Variants in EPHX1 observed in about 807,000 individuals in gnomAD.
EPHX1 encodes the protein epoxide hydratase.
A neutral mutation model predicts 43.2 loss-of-function variants in EPHX1; 40 were observed. The observed-to-expected ratio is 0.93, with a 90% CI of 0.72 to 1.21. EPHX1 has a LOEUF of 1.21. Ranked by LOEUF, EPHX1 falls within the 50% of genes most tolerant of loss-of-function variation. The pLI, the probability that EPHX1 is intolerant of heterozygous loss-of-function variation, is 0.00. For missense variants in EPHX1, 550 were observed against 570.4 expected (o/e 0.96, Z 0.36); for synonymous variants, 221 against 226.7 (o/e 0.98, Z 0.22).
rs780676081 is a variant in EPHX1 at position 225,842,481 on chromosome 1, C to T, written c.1040+7C>T. 2.3e-5 allele frequency: 36 copies of T among 1,591,518 alleles called. No individual in the cohort carries two copies. Among genetic ancestry groups the T allele is most frequent in the Admixed American group, 6.7e-5 (4 of 59,974 alleles). ...AGGATGGAGGCCTGGAAAGGTGAGG[C>T]CCTGGTTTGCCCCTGCAGTCATGAC... On this transcript the variant is annotated splice_region_variant and intron_variant, in intron 7 of 8. Coordinates refer to ENST00000272167, the MANE Select transcript of EPHX1 (RefSeq NM_001136018.4).
rs1397809915 is a variant in EPHX1, at chr1:225,836,467, G to T, written c.365-2187G>T. Among the ~76,000 whole-genome samples the T allele has an allele frequency of 2.6e-5, 4 of 152,074 alleles. No individual in the cohort carries two copies. In the East Asian group the frequency reaches 7.7e-4, roughly 29 times the overall value. ...ACAAAAATAGGCTAGACATGGTGTT[G>T]CCCACCTGTAGTCCCAGCTACTTGA... On this transcript the variant is annotated intron_variant, in intron 3 of 8. Transcript: ENST00000272167.
In EPHX1 at chr1:225,839,118, G is replaced by C. The variant is rs577837939; in HGVS notation, c.593-99G>C. 4 of 1,583,056 alleles carry C rather than the reference G, an allele frequency of 2.5e-6. No homozygotes were observed. In the East Asian group the frequency reaches 9.0e-5, roughly 35 times the overall value. ...TGTGAGCTTTTCTGACCTCCACCTGGGGGTAGGCGGGCCTGAGAAATTTCA... is the reference window on the plus strand; with the variant it reads ...TGTGAGCTTTTCTGACCTCCACCTGCGGGTAGGCGGGCCTGAGAAATTTCA... On this transcript the variant is annotated intron_variant, in intron 4 of 8. Transcript: ENST00000272167.
intron 4 of EPHX1, 90 bp from the exon 5 acceptor site, chr1:225,839,127 G>A (rs545322125): frequency 2.6e-5 from 42 of 1,596,394 alleles, no homozygotes; most frequent in East Asian, 1.8e-4. Flanking sequence ...GGGGGTAGGC[G>A]GGCCTGAGAA....
intron 1 of EPHX1, among the ~76,000 whole-genome samples, chr1:225,822,381 T>C (rs970131584): frequency 6.6e-6 from 1 of 152,158 alleles, no homozygotes; most frequent in Non-Finnish European, 1.5e-5. Flanking sequence ...CTGCACAAAC[T>C]CTCAGCCCAG....
At chr1:225,837,942 A>G (rs1210195787) in intron 3 of EPHX1, among the ~76,000 whole-genome samples, 3 of 152,266 alleles carry the variant, frequency 2.0e-5, no homozygotes, top group African/African-American at 7.2e-5. Context: ...TGGAAAGTAC[A>G]TAAAACTCAA....
intron 1 of EPHX1, among the ~76,000 whole-genome samples, chr1:225,815,538 C>T (rs1666687867): frequency 6.6e-6 from 1 of 151,980 alleles, no homozygotes; most frequent in African/African-American, 2.4e-5. Context: ...CAGGCGTGAG[C>T]CACGGCACCC....
At chr1:225,813,973 C>T (rs1334792006) in intron 1 of EPHX1, among the ~76,000 whole-genome samples, 1 of 152,326 alleles carries the variant, frequency 6.6e-6, no homozygotes, top group Middle Eastern at 3.4e-3. Flanking sequence ...GTTCTTAGGT[C>T]GGGAGCAGGA....
Position 225,839,812 on chromosome 1 carries a change from CCT to C in EPHX1, c.723-10_723-9del, listed in dbSNP as rs538192664. On this transcript the variant is annotated splice_polypyrimidine_tract_variant and intron_variant, in intron 5 of 8. Transcript: ENST00000272167. The stretch of plus-strand genomic sequence containing the variant: ...ACACCAGCCCAGCCTCACCCCGGCC[CCT>C]CTCTCTGCCTTCAGCCACGTGAAAG... The C allele has an allele frequency of 1.4e-4, 228 of 1,612,902 alleles. 3 individuals are homozygous for C. The South Asian group carries it at 2.3e-3, about 17-fold the overall frequency.
intron 7 of EPHX1, among the ~76,000 whole-genome samples, chr1:225,842,888 AAT>A (rs1450485438): frequency 7.9e-5 from 12 of 152,256 alleles, no homozygotes; most frequent in African/African-American, 2.6e-4. Flanking sequence ...GGAGGCTGTT[AAT>A]CTCTCAGAGC....
At chr1:225,833,235 C>G (rs758665091) in intron 3 of EPHX1, among the ~76,000 whole-genome samples, 10 of 152,144 alleles carry the variant, frequency 6.6e-5, no homozygotes, top group Non-Finnish European at 1.5e-4. Context: ...TTGGCCTTTT[C>G]AAGGAACAGT....
chr1:225,826,259 T>G (rs1468906250), intron 1 of EPHX1, among the ~76,000 whole-genome samples: 1 of 151,216 alleles, frequency 6.6e-6, no homozygotes, highest in Non-Finnish European at 1.5e-5. Context: ...AGGTCAGGAG[T>G]TTGAGACCAG....
chr1:225,840,158 T>A (rs1450881822), intron 6 of EPHX1, 121 bp downstream of exon 6: 1 of 874,536 alleles, frequency 1.1e-6, no homozygotes, highest in Non-Finnish European at 1.9e-6. Flanking sequence ...TGTAAGGACC[T>A]CCCAGCTCTT....
At chr1:225,828,342 CA>C (rs540486252) in intron 1 of EPHX1, among the ~76,000 whole-genome samples, 30 of 138,476 alleles carry the variant, frequency 2.2e-4, no homozygotes, top group East Asian at 4.2e-4. Flanking sequence ...AACTCCATCT[CA>C]AAAAAAAAAA....
intron 1 of EPHX1, among the ~76,000 whole-genome samples, chr1:225,816,232 G>T (rs1184620329): frequency 6.6e-6 from 1 of 152,218 alleles, no homozygotes; most frequent in Non-Finnish European, 1.5e-5. Flanking sequence ...GGTCGAGGCT[G>T]CAGTGAGCTG....
At chr1:225,815,137 C>A (rs911910626) in intron 1 of EPHX1, among the ~76,000 whole-genome samples, 1 of 84,284 alleles carries the variant, frequency 1.2e-5, no homozygotes, top group African/African-American at 3.4e-5. Flanking sequence ...GAAGAAGCAA[C>A]CCTGCCCTCT....
rs762081544 is a variant in EPHX1 at position 225,845,263 on chromosome 1, T to TG, written c.1289dup (p.His431ProfsTer6). ...TCATCTCCTATTCCTACATGGTTCG[T>TG]GGGGGCCACTTTGCGGCCTTTGAGG... is the stretch of plus-strand genomic sequence containing the variant. On this transcript the variant is annotated frameshift_variant, in exon 9 of 9. Coordinates refer to ENST00000272167, the MANE Select transcript of EPHX1 (RefSeq NM_001136018.4). LOFTEE classifies it high-confidence loss of function. 6.2e-6 allele frequency: 10 copies of TG among 1,613,866 alleles called. No homozygotes were observed. Among genetic ancestry groups the TG allele is most frequent in the Middle Eastern group, 3.4e-4 (2 of 5,800 alleles).
chr1:225,837,308 T>A (rs1332116918), intron 3 of EPHX1, among the ~76,000 whole-genome samples: 1 of 152,210 alleles, frequency 6.6e-6, no homozygotes, highest in Non-Finnish European at 1.5e-5. Flanking sequence ...GCACCAGCCC[T>A]GGTGGCAGAG....
At chr1:225,819,181 T>C (rs12095698) in intron 1 of EPHX1, among the ~76,000 whole-genome samples, 1 of 30,448 alleles carries the variant, frequency 3.3e-5, no homozygotes, top group Non-Finnish European at 6.3e-5. Context: ...GAGCCGAGAT[T>C]GCGCCACTGC....
chr1:225,821,565 C>CTTTTTTTTTTTTT (rs869228485), intron 1 of EPHX1, among the ~76,000 whole-genome samples: 2 of 69,862 alleles, frequency 2.9e-5, no homozygotes, highest in Admixed American at 1.8e-4. Context: ...TTTTTTGGTT[C>CTTTTTTTTTTTTT]TTTTTTTTTT....
Sources: gnomAD v4.1 joint callset for allele counts (sites outside exome capture counted in the v4.1 genomes callset) on GRCh38, gnomAD v4.1.1 for gene constraint, MANE v1.5 for transcripts, NCBI Gene and HGNC (gene_info 2026-07-23, HGNC 2026-07-21) for gene names.